Variants in XIRP2 observed in about 807,000 individuals in gnomAD.
XIRP2 encodes xin actin-binding repeat-containing protein 2.
Under a neutral mutation model 277.0 loss-of-function variants are expected in XIRP2, and 236 were observed. The observed-to-expected ratio is 0.85, with a 90% CI of 0.77 to 0.95. XIRP2 has a LOEUF of 0.95. Ranked by LOEUF, XIRP2 falls within the 40% of genes least tolerant of loss-of-function variation. The pLI, the probability that XIRP2 is intolerant of heterozygous loss-of-function variation, is 0.00. For synonymous variants in XIRP2, 1,490 were observed against 1,416.5 expected (o/e 1.05, Z -1.17); for missense variants, 4,640 against 4,157.5 (o/e 1.12, Z -3.19).
chr2:167,258,031 T>C lies in XIRP2; in HGVS notation c.*214T>C. On this transcript the variant is annotated 3_prime_UTR_variant, in exon 11 of 11. Coordinates refer to ENST00000409195, the MANE Select transcript of XIRP2 (RefSeq NM_152381.6). ...ACTTTATTCCTAATGAAGAACCAAATATGTGTAAAAATATTGCAGAAAACA... is the reference window on the plus strand; with the variant it reads ...ACTTTATTCCTAATGAAGAACCAAACATGTGTAAAAATATTGCAGAAAACA... The C allele has an allele frequency of 6.2e-7, 1 of 1,613,056 alleles. No homozygotes were observed.
chr2:166,967,341 A>G (rs1296846141), intron 2 of XIRP2, among the ~76,000 whole-genome samples: 7 of 151,902 alleles, frequency 4.6e-5, no homozygotes. Flanking sequence ...TTGGGAAGCT[A>G]AATTTCCTAA....
At chr2:167,167,282 C>A (rs1304179931) in intron 3 of XIRP2, among the ~76,000 whole-genome samples, 5 of 152,034 alleles carry the variant, frequency 3.3e-5, no homozygotes, top group African/African-American at 1.2e-4. Flanking sequence ...TTTTGATCTA[C>A]TCTGACGATC....
intron 2 of XIRP2, among the ~76,000 whole-genome samples, chr2:167,099,316 C>A (rs1364019805): frequency 6.6e-6 from 1 of 152,146 alleles, no homozygotes; most frequent in Non-Finnish European, 1.5e-5. Flanking sequence ...GAGGGGAAAA[C>A]TGCCTACTCA....
chr2:167,172,240 A>G (rs1692717228), intron 3 of XIRP2, among the ~76,000 whole-genome samples: 1 of 152,144 alleles, frequency 6.6e-6, no homozygotes, highest in Non-Finnish European at 1.5e-5. Flanking sequence ...TCAAAAGGGG[A>G]GGGAGCGTAC....
chr2:167,211,249 A>C (rs1197789156), intron 4 of XIRP2, among the ~76,000 whole-genome samples: 2 of 151,890 alleles, frequency 1.3e-5, no homozygotes, highest in Non-Finnish European at 2.9e-5. Context: ...AGAGCATGCC[A>C]CCATGCTCTG....
intron 3 of XIRP2, among the ~76,000 whole-genome samples, chr2:167,150,073 C>T (rs1447380456): frequency 6.6e-6 from 1 of 151,730 alleles, no homozygotes; most frequent in Non-Finnish European, 1.5e-5. Flanking sequence ...ACTCATGTAA[C>T]AAAACTGCAC....
intron 2 of XIRP2, among the ~76,000 whole-genome samples, chr2:166,910,437 T>C (rs1217557063): frequency 6.6e-6 from 1 of 152,186 alleles, no homozygotes; most frequent in Admixed American, 6.5e-5. Context: ...TATTTTGTAT[T>C]TCTGTGGGAT....
chr2:166,959,571 T>A (rs1177382221), intron 2 of XIRP2, among the ~76,000 whole-genome samples: 2 of 151,820 alleles, frequency 1.3e-5, no homozygotes, highest in African/African-American at 4.8e-5. Flanking sequence ...TAGGCAACCA[T>A]TATGAAGGAA....
chr2:167,088,772 C>G (rs1690046228), intron 2 of XIRP2, among the ~76,000 whole-genome samples: 1 of 152,158 alleles, frequency 6.6e-6, no homozygotes, highest in African/African-American at 2.4e-5. Context: ...AAACTCTTCC[C>G]TATACTTTAT....
intron 2 of XIRP2, among the ~76,000 whole-genome samples, chr2:167,083,301 A>G (rs867358100): frequency 6.6e-6 from 1 of 152,254 alleles, no homozygotes; most frequent in African/African-American, 2.4e-5. Context: ...CCATTGATCT[A>G]TATCTCTGTT....
At chr2:166,936,049 T>A (rs1055969576) in intron 2 of XIRP2, among the ~76,000 whole-genome samples, 1 of 152,206 alleles carries the variant, frequency 6.6e-6, no homozygotes, top group African/African-American at 2.4e-5. Flanking sequence ...GTGTTCCTAT[T>A]TCTCCACATC....
At chr2:167,240,910 G>A (rs909023090) in intron 7 of XIRP2, among the ~76,000 whole-genome samples, 174 bp downstream of exon 7, 2 of 152,108 alleles carry the variant, frequency 1.3e-5, no homozygotes, top group Admixed American at 1.3e-4. Flanking sequence ...TTTGCCTGTG[G>A]TCATAGGTGC....
intron 5 of XIRP2, among the ~76,000 whole-genome samples, chr2:167,227,698 C>A (rs568937749): frequency 3.4e-4 from 51 of 151,736 alleles, no homozygotes; most frequent in African/African-American, 1.2e-3. Flanking sequence ...CAAAGTGAGA[C>A]CCTGTCTCAA....
chr2:167,175,296 G>C (rs921942426), intron 3 of XIRP2, among the ~76,000 whole-genome samples: 2 of 152,130 alleles, frequency 1.3e-5, no homozygotes, highest in Non-Finnish European at 2.9e-5. Flanking sequence ...TCTTCTTGTT[G>C]AATTGATCCC....
At chr2:167,095,782 TTG>T (rs962858935) in intron 2 of XIRP2, among the ~76,000 whole-genome samples, 24 of 151,738 alleles carry the variant, frequency 1.6e-4, no homozygotes, top group Admixed American at 1.4e-3. Flanking sequence ...TCCTTTTTTG[TTG>T]TGTCTCTGCT....
At chr2:166,911,277 C>T (rs574809708) in intron 2 of XIRP2, among the ~76,000 whole-genome samples, 9 of 152,242 alleles carry the variant, frequency 5.9e-5, no homozygotes, top group Non-Finnish European at 4.4e-5. Context: ...TCAGGACTTG[C>T]TTTATGAATC....
At chr2:167,118,061 G>GT (rs1240782681) in intron 2 of XIRP2, among the ~76,000 whole-genome samples, 1 of 152,086 alleles carries the variant, frequency 6.6e-6, no homozygotes, top group African/African-American at 2.4e-5. Flanking sequence ...AAGTTTCTAT[G>GT]TTTTTTCCCC....
In XIRP2 at chr2:167,015,463, A is replaced by ATC. The variant is rs1412631709; in HGVS notation, c.408+111574_408+111575insCT. ...CTATCTATCTATCTATCTATCTATC[A>ATC]TATTAAACTCATTATCATTCTATGG... On this transcript the variant is annotated intron_variant, in intron 2 of 10. Coordinates refer to ENST00000409195, the MANE Select transcript of XIRP2 (RefSeq NM_152381.6). Among the ~76,000 whole-genome samples the ATC allele has an allele frequency of 1.8e-4, 22 of 121,740 alleles. No homozygotes were observed. In the East Asian group the frequency reaches 8.3e-3, roughly 46 times the overall value. The allele number at this position is 121,740 out of a possible 152,430, so 79.9% of individuals were successfully genotyped here. A position where few individuals can be genotyped will look rare whatever the true frequency, so the allele number is the denominator to read the frequency against.
chr2:167,251,985 T>G, intron 9 of XIRP2, 38 bp downstream of exon 9: 1 of 1,515,582 alleles, frequency 6.6e-7, no homozygotes, highest in Non-Finnish European at 8.8e-7. Context: ...AGATTAACCA[T>G]TTAAAGGCAT....
Sources: gnomAD v4.1 joint callset for allele counts (sites outside exome capture counted in the v4.1 genomes callset) on GRCh38, gnomAD v4.1.1 for gene constraint, MANE v1.5 for transcripts, NCBI Gene and HGNC (gene_info 2026-07-23, HGNC 2026-07-21) for gene names.